AP2S1: variants seen among roughly 807,000 people sequenced by gnomAD.
AP2S1 encodes adaptor related protein complex 2 subunit sigma 1, also known as AP-2 complex subunit sigma.
Under a neutral mutation model 21.0 loss-of-function variants are expected in AP2S1, and 6 were observed. The observed-to-expected ratio is 0.29, with a 90% CI of 0.16 to 0.56. The LOEUF (loss-of-function observed/expected upper bound fraction) is 0.56, where lower values mean the gene tolerates loss of function less well. Among genes scored for constraint, AP2S1 ranks in the 20% least tolerant of loss-of-function variants. The probability of loss-of-function intolerance (pLI) is 0.92; values close to 1 mark genes in which losing one functional copy is unlikely to be tolerated. For missense variants in AP2S1, 60 were observed against 186.2 expected (o/e 0.32, Z 3.95); for synonymous variants, 63 against 74.6 (o/e 0.84, Z 0.80).
chr19:46,847,665 C>G (rs1035215362), intron 1 of AP2S1, among the ~76,000 whole-genome samples: 1 of 152,130 alleles, frequency 6.6e-6, no homozygotes, highest in Non-Finnish European at 1.5e-5. Flanking sequence ...TGTGTCTGTT[C>G]TGGACATTGT....
At position 46,838,397 on chromosome 19, in the gene AP2S1, G is replaced by A. The variant is rs1317573328; in HGVS notation, c.*50C>T. On this transcript the variant is annotated 3_prime_UTR_variant, in exon 5 of 5. Transcript: ENST00000263270. This position sits in a 1 kb window ranked among gnomAD's most constrained non-coding sequence, Gnocchi z 4.1. ...GGCCACGGGCCTGGGAAGGGGAAGC[G>A]AGCAGGCGAGTCCAGGAGGGGCCGG... is the stretch of plus-strand genomic sequence containing the variant. 8 of 1,578,058 alleles carry A rather than the reference G, an allele frequency of 5.1e-6. No homozygotes were observed. The East Asian group carries it at 6.7e-5, about 13-fold the overall frequency.
chr19:46,842,852 C>T (rs556080754), intron 2 of AP2S1, among the ~76,000 whole-genome samples: 1 of 152,288 alleles, frequency 6.6e-6, no homozygotes, highest in East Asian at 1.9e-4. Context: ...CATCTCTCTG[C>T]CTGCAGACGT....
intron 2 of AP2S1, among the ~76,000 whole-genome samples, chr19:46,843,743 A>C (rs2122779689): frequency 6.6e-6 from 1 of 151,968 alleles, no homozygotes; most frequent in South Asian, 2.1e-4. Context: ...AAAATTTAAA[A>C]ATTAGATGGG....
chr19:46,848,506 G>A (rs1164071191), intron 1 of AP2S1, among the ~76,000 whole-genome samples: 1 of 152,164 alleles, frequency 6.6e-6, no homozygotes. Context: ...CATGGCCAAA[G>A]CTTACTCCAT....
chr19:46,850,201 C>G (rs1860392514), intron 1 of AP2S1: 2 of 1,232,602 alleles, frequency 1.6e-6, no homozygotes, highest in African/African-American at 3.1e-5. Context: ...CAGTTGCCTC[C>G]TTTTGGTTTC....
intron 1 of AP2S1, among the ~76,000 whole-genome samples, 177 bp from the exon 2 acceptor site, chr19:46,846,319 C>G (rs1253225251): frequency 6.6e-6 from 1 of 152,022 alleles, no homozygotes; most frequent in Non-Finnish European, 1.5e-5. Flanking sequence ...CCTGGCCACA[C>G]GCTTCATCCC....
intron 2 of AP2S1, 80 bp downstream of exon 2, chr19:46,845,913 G>A (rs1156757883): frequency 6.3e-7 from 1 of 1,584,344 alleles, no homozygotes; most frequent in African/African-American, 1.3e-5. Flanking sequence ...AGGGGTTCTT[G>A]CAACTAGAAG....
chr19:46,845,100 GAAAAAA>G (rs35651566), intron 2 of AP2S1, among the ~76,000 whole-genome samples: 1 of 93,878 alleles, frequency 1.1e-5, no homozygotes, highest in Non-Finnish European at 2.0e-5. Flanking sequence ...CTCCATTTCA[GAAAAAA>G]AAAAAAAAAA....
chr19:46,839,089 C>T (rs2055463882), intron 3 of AP2S1, among the ~76,000 whole-genome samples: 1 of 151,838 alleles, frequency 6.6e-6, no homozygotes, highest in Non-Finnish European at 1.5e-5. Context: ...GAGTGCAAGA[C>T]CAGCCTGGCC....
chr19:46,839,169 C>T (rs2055465163), intron 3 of AP2S1, among the ~76,000 whole-genome samples: 1 of 151,514 alleles, frequency 6.6e-6, no homozygotes, highest in African/African-American at 2.4e-5. Context: ...TGCCTGTAAT[C>T]CCAGCTACTC....
intron 2 of AP2S1, among the ~76,000 whole-genome samples, chr19:46,845,432 A>G (rs2122789000): frequency 6.7e-6 from 1 of 150,344 alleles, no homozygotes; most frequent in Middle Eastern, 3.4e-3. Flanking sequence ...TAATTAATTA[A>G]TTAATTAATT....
At chr19:46,840,252 G>A (rs1038360972) in intron 2 of AP2S1, among the ~76,000 whole-genome samples, 6 of 151,002 alleles carry the variant, frequency 4.0e-5, no homozygotes, top group Admixed American at 6.7e-5. Flanking sequence ...TTTTATGCGC[G>A]TGTTAAGTAG....
At chr19:46,850,674 A>T (rs1265647013) in intron 1 of AP2S1, 90 bp downstream of exon 1, 11 of 1,190,488 alleles carry the variant, frequency 9.2e-6, no homozygotes, top group Non-Finnish European at 1.2e-5. Flanking sequence ...TCCGCGGCAG[A>T]GAAGGGACTT....
chr19:46,843,702 A>G (rs35191611), intron 2 of AP2S1, among the ~76,000 whole-genome samples: 21,129 of 151,498 alleles, frequency 0.14, 2,436 homozygotes, highest in African/African-American at 0.3. Flanking sequence ...TAGCCTAGGT[A>G]ACAGAGTGAG....
chr19:46,839,428 A>AC, intron 3 of AP2S1, 37 bp downstream of exon 3: 44 of 763,366 alleles, frequency 5.8e-5, no homozygotes, highest in South Asian at 8.6e-5. Flanking sequence ...AGGGCTGCCC[A>AC]CCCGCCTCCC....
intron 2 of AP2S1, among the ~76,000 whole-genome samples, chr19:46,844,794 T>C (rs904490059): frequency 2.0e-5 from 3 of 148,602 alleles, no homozygotes; most frequent in African/African-American, 7.5e-5. Flanking sequence ...AATGAGCTCC[T>C]GTTTCAAAAA....
chr19:46,850,543 C>T, intron 1 of AP2S1: 1 of 613,500 alleles, frequency 1.6e-6, no homozygotes, highest in Non-Finnish European at 2.7e-6. Context: ...TGGAACACCA[C>T]CCCCAATGCC....
chr19:46,850,646 C>T, intron 1 of AP2S1, 118 bp downstream of exon 1: 1 of 993,152 alleles, frequency 1.0e-6, no homozygotes, highest in Non-Finnish European at 1.6e-6. Flanking sequence ...CCCCAGAGCC[C>T]GCGCCTGACC....
At chr19:46,845,840 A>G in intron 2 of AP2S1, 153 bp downstream of exon 2, 1 of 913,006 alleles carries the variant, frequency 1.1e-6, no homozygotes, top group Non-Finnish European at 1.6e-6. Context: ...AAGTAAAGGA[A>G]GGGAAGAAGC....
Sources: allele counts gnomAD v4.1 joint callset (sites outside exome capture counted in the v4.1 genomes callset), GRCh38; gene constraint gnomAD v4.1.1; non-coding constraint Gnocchi (gnomAD v3.1); transcripts MANE v1.5; gene names NCBI Gene and HGNC (gene_info 2026-07-23, HGNC 2026-07-21).